DENND1A: variants seen among roughly 807,000 people sequenced by gnomAD.
The protein encoded by DENND1A is DENN domain-containing protein 1A.
DENND1A carries 51 observed loss-of-function variants against 113.7 expected under a neutral mutation model. The observed-to-expected ratio is 0.45, with a 90% CI of 0.36 to 0.57. The LOEUF (loss-of-function observed/expected upper bound fraction) is 0.57. Among genes scored for constraint, DENND1A ranks in the 20% least tolerant of loss-of-function variants. The pLI is 0.00. For missense variants in DENND1A, 1,258 were observed against 1,395.9 expected, an observed-to-expected ratio of 0.90 and a Z score of 1.57; for synonymous variants, 565 against 570.8, an observed-to-expected ratio of 0.99 and a Z score of 0.14.
intron 12 of DENND1A, among the ~76,000 whole-genome samples, chr9:123,578,440 C>T (rs776351210): frequency 1.6e-4 from 24 of 152,296 alleles, no homozygotes; most frequent in Non-Finnish European, 2.4e-4. Flanking sequence ...AGAGCAGTGG[C>T]GCAATCACAG....
At chr9:123,804,020 T>TTGGCTGTGTCCCCAACCAAATC (rs1835130229) in intron 2 of DENND1A, among the ~76,000 whole-genome samples, 1 of 152,254 alleles carries the variant, frequency 6.6e-6, no homozygotes, top group Non-Finnish European at 1.5e-5. Flanking sequence ...TTGATACAGT[T>TTGGCTGTGTCCCCAACCAAATC]TGGCTGTGTC....
chr9:123,846,127 C>T (rs1224493812), intron 2 of DENND1A, among the ~76,000 whole-genome samples: 1 of 152,026 alleles, frequency 6.6e-6, no homozygotes, highest in Non-Finnish European at 1.5e-5. Context: ...AAAGGCAAAT[C>T]AAAATAACAA....
At chr9:123,910,320 C>T (rs942735771) in intron 1 of DENND1A, among the ~76,000 whole-genome samples, 7 of 152,062 alleles carry the variant, frequency 4.6e-5, no homozygotes, top group African/African-American at 1.4e-4. Flanking sequence ...GAAATACAAA[C>T]GTATACCTGA....
intron 5 of DENND1A, among the ~76,000 whole-genome samples, chr9:123,739,151 C>A (rs1211738212): frequency 6.6e-6 from 1 of 152,100 alleles, no homozygotes; most frequent in Non-Finnish European, 1.5e-5. Flanking sequence ...TTCAGGGTTG[C>A]TTTTCATTAG....
chr9:123,513,749 C>T (rs2053642342), intron 13 of DENND1A, among the ~76,000 whole-genome samples: 1 of 152,200 alleles, frequency 6.6e-6, no homozygotes, highest in Non-Finnish European at 1.5e-5. Context: ...GACAGACAGG[C>T]TGGGCTGGTC....
intron 10 of DENND1A, among the ~76,000 whole-genome samples, chr9:123,627,508 G>A (rs2061281502): frequency 6.6e-6 from 1 of 152,188 alleles, no homozygotes; most frequent in Non-Finnish European, 1.5e-5. Flanking sequence ...TCGGGAGGCC[G>A]AGGTGGGTGG....
chr9:123,916,268 A>G (rs1435967209), intron 1 of DENND1A, among the ~76,000 whole-genome samples: 2 of 151,978 alleles, frequency 1.3e-5, no homozygotes, highest in African/African-American at 2.4e-5. Flanking sequence ...TTTACAGGAT[A>G]TATTATAAAA....
At chr9:123,662,894 T>C (rs2063316497) in intron 8 of DENND1A, among the ~76,000 whole-genome samples, 1 of 152,140 alleles carries the variant, frequency 6.6e-6, no homozygotes. Flanking sequence ...TGGGGAGTGT[T>C]ATAGGTGGTA....
intron 8 of DENND1A, among the ~76,000 whole-genome samples, chr9:123,654,654 GTAACA>G (rs908423619): frequency 7.2e-5 from 11 of 152,222 alleles, no homozygotes; most frequent in African/African-American, 2.7e-4. Flanking sequence ...TTAAAAATAC[GTAACA>G]TTTAGCCAAA....
intron 13 of DENND1A, among the ~76,000 whole-genome samples, chr9:123,499,696 G>A (rs887669510): frequency 7.2e-5 from 11 of 152,196 alleles, no homozygotes; most frequent in African/African-American, 1.2e-4. Flanking sequence ...TCCTGCTTAC[G>A]GCAGATGGTT....
chr9:123,830,091 T>C (rs1839953824), intron 2 of DENND1A, among the ~76,000 whole-genome samples: 1 of 152,182 alleles, frequency 6.6e-6, no homozygotes, highest in Non-Finnish European at 1.5e-5. Flanking sequence ...CTCACCTGAA[T>C]GTTCATCCAA....
At chr9:123,752,693 G>A (rs2070161311) in intron 5 of DENND1A, among the ~76,000 whole-genome samples, 1 of 152,208 alleles carries the variant, frequency 6.6e-6, no homozygotes, top group African/African-American at 2.4e-5. Context: ...TGGAGTATGT[G>A]CCATTGGGGC....
intron 2 of DENND1A, among the ~76,000 whole-genome samples, chr9:123,826,732 A>G (rs1839386472): frequency 6.6e-6 from 1 of 152,186 alleles, no homozygotes. Flanking sequence ...AAAACCTGCA[A>G]CTTCTGCACA....
intron 13 of DENND1A, among the ~76,000 whole-genome samples, chr9:123,526,676 C>A (rs1032601715): frequency 2.6e-5 from 4 of 152,178 alleles, no homozygotes; most frequent in Admixed American, 2.6e-4. Flanking sequence ...TCTTTGGTGG[C>A]CCTAGACATT....
At position 123,619,953 on chromosome 9, in the gene DENND1A, C is replaced by G. The variant is rs138763540; in HGVS notation, c.719+10423G>C. Among the ~76,000 whole-genome samples the G allele has an allele frequency of 2.3e-3, 354 of 152,064 alleles. 1 individual carries two copies. Among genetic ancestry groups the G allele is most frequent in the South Asian group, 0.021 (102 of 4,792 alleles). ...CCAGTCTGGGCATGGTGGCTTACACCTGTAATCACAGCACTTTGGGAGGCC... is the reference window on the plus strand; with the variant it reads ...CCAGTCTGGGCATGGTGGCTTACACGTGTAATCACAGCACTTTGGGAGGCC... On this transcript the variant is annotated intron_variant, in intron 10 of 23. Transcript: ENST00000394215.
At position 123,811,871 on chromosome 9, in the gene DENND1A, T is replaced by A. The variant is rs193249887; in HGVS notation, c.89-19241A>T. Among the ~76,000 whole-genome samples, 84 of 152,350 alleles carry A rather than the reference T, an allele frequency of 5.5e-4. 2 individuals carry two copies. In the East Asian group the frequency reaches 0.015, roughly 27 times the overall value. ...AAATGACATGGAAAGTTGCCCTTTT[T>A]AATAATTTGTAATTGGACCTCTGAA... On this transcript the variant is annotated intron_variant, in intron 2 of 23. Transcript: ENST00000394215.
chr9:123,693,934 C>A (rs905551429), intron 5 of DENND1A, among the ~76,000 whole-genome samples: 12 of 151,414 alleles, frequency 7.9e-5, no homozygotes, highest in African/African-American at 2.4e-4. Flanking sequence ...TTCCAGCAAT[C>A]CTCCTGCCTT....
At position 123,403,390 on chromosome 9, in the gene DENND1A, C is replaced by T; in HGVS notation, c.1631+12G>A. Reference sequence around the variant, plus strand: ...GGTTCTTACAGACAGAGGGGAGAGGCACAATACTCACTGCTCAGGGCTCGG... The same window carrying T: ...GGTTCTTACAGACAGAGGGGAGAGGTACAATACTCACTGCTCAGGGCTCGG... On this transcript the variant is annotated intron_variant, in intron 21 of 23. Coordinates refer to ENST00000394215, the MANE Select transcript of DENND1A (RefSeq NM_001352964.2). 2 of 1,613,716 alleles carry T rather than the reference C, an allele frequency of 1.2e-6. No individual in the cohort carries two copies. The highest frequency in any genetic ancestry group is 8.5e-7 in the Non-Finnish European group (1 of 1,179,790).
chr9:123,714,839 C>A (rs1260010552), intron 5 of DENND1A, among the ~76,000 whole-genome samples: 1 of 152,156 alleles, frequency 6.6e-6, no homozygotes, highest in Non-Finnish European at 1.5e-5. Context: ...TCTCCACAGT[C>A]AGGTTTCATT....
Sources: gnomAD v4.1 joint callset for allele counts (sites outside exome capture counted in the v4.1 genomes callset) on GRCh38, gnomAD v4.1.1 for gene constraint, MANE v1.5 for transcripts, NCBI Gene and HGNC (gene_info 2026-07-23, HGNC 2026-07-21) for gene names.